PSKH2: variants seen among roughly 807,000 people sequenced by gnomAD.
PSKH2 encodes the protein protein serine kinase H2.
A neutral mutation model predicts 22.5 loss-of-function variants in PSKH2; 16 were observed. The observed-to-expected ratio is 0.71, with a 90% CI of 0.48 to 1.08. The LOEUF (loss-of-function observed/expected upper bound fraction) is 1.08. Ranked by LOEUF, PSKH2 falls within the 50% of genes least tolerant of loss-of-function variation. The pLI is 0.00. For missense variants in PSKH2, 516 were observed against 492.8 expected (o/e 1.05, Z -0.44); for synonymous variants, 188 against 184.8 (o/e 1.02, Z -0.14).
chr8:86,058,886 A>C (rs544374862), intron 2 of PSKH2, among the ~76,000 whole-genome samples: 31 of 152,248 alleles, frequency 2.0e-4, no homozygotes, highest in Non-Finnish European at 3.2e-4. Flanking sequence ...CCCCTTCACC[A>C]TAAGAGGTAT....
chr8:86,061,250 AC>A (rs1265222001), intron 2 of PSKH2, among the ~76,000 whole-genome samples: 3 of 152,142 alleles, frequency 2.0e-5, no homozygotes, highest in African/African-American at 7.2e-5. Flanking sequence ...ATAATAAATC[AC>A]TTGCACATGA....
intron 2 of PSKH2, among the ~76,000 whole-genome samples, chr8:86,058,294 A>G (rs1817732051): frequency 6.6e-6 from 1 of 152,210 alleles, no homozygotes. Flanking sequence ...TCCTATGCCT[A>G]CCCTGCAAAA....
chr8:86,056,624 G>C (rs1038690812), intron 2 of PSKH2, among the ~76,000 whole-genome samples: 1 of 152,136 alleles, frequency 6.6e-6, no homozygotes, highest in Non-Finnish European at 1.5e-5. Flanking sequence ...CAAACTTTCA[G>C]TCCTAGTCTC....
At position 86,064,476 on chromosome 8, in the gene PSKH2, C is replaced by T. The variant is rs35915498; in HGVS notation, c.341G>A (p.Arg114Gln). Reference sequence around the variant, plus strand: ...CTGGACAATGTAACGATGGCTAACCCGCCGCAGGACGCTCAGCTCAGACAC... The same window carrying T: ...CTGGACAATGTAACGATGGCTAACCTGCCGCAGGACGCTCAGCTCAGACAC... ...ACVSELSVLRRVSHRYIVQLM... is the reference protein window; with the variant it reads ...ACVSELSVLRQVSHRYIVQLM... Residue 114 changes from arginine to glutamine, a missense_variant, in exon 2 of 3, where the codon CGG becomes CAG. Arg to Gln is a conservative substitution (Grantham distance 43). Coordinates refer to ENST00000276616, the MANE Select transcript of PSKH2 (RefSeq NM_033126.3). The T allele has an allele frequency of 3.7e-5, 60 of 1,613,934 alleles. No individual in the cohort carries two copies. Among genetic ancestry groups the T allele is most frequent in the Admixed American group, 1.7e-4 (10 of 59,996 alleles).
chr8:86,063,913 G>T, intron 2 of PSKH2, 52 bp downstream of exon 2: 1 of 1,421,436 alleles, frequency 7.0e-7, no homozygotes, highest in Non-Finnish European at 9.6e-7. Flanking sequence ...TGACAAGGTG[G>T]AGAAGCCCCA....
intron 2 of PSKH2, among the ~76,000 whole-genome samples, chr8:86,059,543 T>G (rs1237251748): frequency 6.6e-6 from 1 of 152,124 alleles, no homozygotes; most frequent in African/African-American, 2.4e-5. Context: ...AGCACATCAT[T>G]TCAACCTGTT....
chr8:86,069,078 T>A (rs1277388180), intron 1 of PSKH2, among the ~76,000 whole-genome samples: 2 of 151,840 alleles, frequency 1.3e-5, no homozygotes, highest in African/African-American at 4.8e-5. Flanking sequence ...AGCGCTGGGG[T>A]GAGCCAGTGG....
intron 2 of PSKH2, among the ~76,000 whole-genome samples, chr8:86,059,652 T>G (rs562873829): frequency 6.6e-6 from 1 of 152,182 alleles, no homozygotes; most frequent in Non-Finnish European, 1.5e-5. Context: ...TCCAGAATAA[T>G]CTCCCAATCT....
intron 2 of PSKH2, among the ~76,000 whole-genome samples, chr8:86,053,938 G>A (rs575940475): frequency 8.5e-5 from 13 of 152,260 alleles, no homozygotes; most frequent in Non-Finnish European, 1.8e-4. Flanking sequence ...TCTGGAGGCT[G>A]AGGTGGCAGA....
Position 86,052,065 on chromosome 8 carries a change from C to A in PSKH2, c.853-3298G>T, listed in dbSNP as rs538335931. Among the ~76,000 whole-genome samples, 194 of 152,206 alleles carry A rather than the reference C, an allele frequency of 1.3e-3. 3 individuals are homozygous for A. The South Asian group carries it at 0.038, about 30-fold the overall frequency. Reference sequence around the variant, plus strand: ...AGTATAAAATAGACTAATATACATACACGTACATATCTATTAATGAATAAA... The same window carrying A: ...AGTATAAAATAGACTAATATACATAAACGTACATATCTATTAATGAATAAA... On this transcript the variant is annotated intron_variant, in intron 2 of 2. Transcript: ENST00000276616.
At chr8:86,057,956 G>A (rs370576991) in intron 2 of PSKH2, among the ~76,000 whole-genome samples, 1 of 152,128 alleles carries the variant, frequency 6.6e-6, no homozygotes, top group East Asian at 1.9e-4. Flanking sequence ...TCTCAGCCAA[G>A]ACCACGAGGC....
upstream of PSKH2, chr8:86,069,690 C>G: frequency 7.0e-7 from 1 of 1,423,794 alleles, no homozygotes; most frequent in Non-Finnish European, 9.2e-7. Flanking sequence ...TTCCTCCGCC[C>G]TTTATCAAAG....
intron 2 of PSKH2, among the ~76,000 whole-genome samples, chr8:86,059,249 T>C (rs960248696): frequency 6.6e-6 from 1 of 152,200 alleles, no homozygotes; most frequent in African/African-American, 2.4e-5. Context: ...CCTATTTAAT[T>C]TGATGTTTAT....
chr8:86,049,730 GAAAGAAAGAAAGAAAGAAACGAAA>G (rs1220406002), intron 2 of PSKH2, among the ~76,000 whole-genome samples: 1,260 of 57,288 alleles, frequency 0.022, 76 homozygotes, highest in African/African-American at 0.044. Context: ...AAGAAAGAAA[GAAAGAAAGAAAGAAAGAAACGAAA>G]GAAAGAAAGA....
intron 1 of PSKH2, 33 bp downstream of exon 1, chr8:86,069,405 A>C: frequency 6.6e-7 from 1 of 1,519,016 alleles, no homozygotes; most frequent in Non-Finnish European, 8.8e-7. Context: ...TTGTCAGCCC[A>C]GTCCCAGGCC....
intron 2 of PSKH2, among the ~76,000 whole-genome samples, chr8:86,051,726 C>T (rs1049062884): frequency 3.3e-5 from 5 of 152,158 alleles, no homozygotes; most frequent in Non-Finnish European, 7.3e-5. Flanking sequence ...AGACAAGCAA[C>T]TGAATCTTTC....
intron 2 of PSKH2, among the ~76,000 whole-genome samples, chr8:86,050,204 G>A (rs985433424): frequency 9.5e-5 from 9 of 94,264 alleles, no homozygotes; most frequent in African/African-American, 4.3e-4. Context: ...TGCATTATCT[G>A]CTGAGAAAGA....
chr8:86,048,372 A>G lies in PSKH2; in HGVS notation c.*90T>C, dbSNP rs1294637042. On this transcript the variant is annotated 3_prime_UTR_variant, in exon 3 of 3. Transcript: ENST00000276616. The stretch of plus-strand genomic sequence containing the variant: ...AAGATCAATAGTATCCAACAATACC[A>G]TGGAGTCCCGTGTCTTTGGAGCTTG... 8 of 923,538 alleles carry G rather than the reference A, an allele frequency of 8.7e-6. No homozygotes were observed. Among genetic ancestry groups the G allele is most frequent in the Middle Eastern group, 2.9e-4 (1 of 3,474 alleles). The allele number at this position is 923,538 out of a possible 1,614,324, so 57.2% of individuals were successfully genotyped here. A position where few individuals can be genotyped will look rare whatever the true frequency, so the allele number is the denominator to read the frequency against.
chr8:86,054,359 G>A (rs1817672315), intron 2 of PSKH2, among the ~76,000 whole-genome samples: 1 of 152,230 alleles, frequency 6.6e-6, no homozygotes, highest in East Asian at 1.9e-4. Context: ...ACCTTCTGAT[G>A]AATTTTCCTT....
Sources: gnomAD v4.1 joint callset for allele counts (sites outside exome capture counted in the v4.1 genomes callset) on GRCh38, gnomAD v4.1.1 for gene constraint, MANE v1.5 for transcripts, NCBI Gene and HGNC (gene_info 2026-07-23, HGNC 2026-07-21) for gene names.